The following NCMAP variants were observed in gnomAD, a reference collection of about 807,000 sequenced individuals.
The protein encoded by NCMAP is non-compact myelin associated protein.
NCMAP carries 8 observed loss-of-function variants against 7.8 expected under a neutral mutation model. The observed-to-expected ratio is 1.02, with a 90% confidence interval of 0.60 to 1.84. The LOEUF (loss-of-function observed/expected upper bound fraction) is 1.84. Among genes scored for constraint, NCMAP ranks in the 40% most tolerant of loss-of-function variants. The probability of loss-of-function intolerance (pLI) is 0.00; values close to 1 mark genes in which losing one functional copy is unlikely to be tolerated. For missense variants in NCMAP, 112 were observed against 131.4 expected (o/e 0.85, Z 0.72); for synonymous variants, 41 against 52.9 (o/e 0.78, Z 0.98).
intron 1 of NCMAP, among the ~76,000 whole-genome samples, chr1:24,568,906 C>T (rs1031192633): frequency 6.6e-6 from 1 of 151,952 alleles, no homozygotes; most frequent in Non-Finnish European, 1.5e-5. Flanking sequence ...TAGAGGCATG[C>T]GTCACCATAC....
chr1:24,568,865 C>G (rs1277722332), intron 1 of NCMAP, among the ~76,000 whole-genome samples: 1 of 152,112 alleles, frequency 6.6e-6, no homozygotes, highest in Non-Finnish European at 1.5e-5. Context: ...TCAAGAGATC[C>G]TCCCACCTCA....
In NCMAP at chr1:24,571,877, C is replaced by T. The variant is rs973164483; in HGVS notation, c.-8+15708C>T. On this transcript the variant is annotated intron_variant, in intron 1 of 3. Coordinates refer to ENST00000374392, the MANE Select transcript of NCMAP (RefSeq NM_001010980.5). ...CTGGGATTACAGGCGTAAGCCACCG[C>T]GCCTGGAAGAAAAAAATTATGAATG... is the stretch of plus-strand genomic sequence containing the variant. Among the ~76,000 whole-genome samples, 31 of 150,886 alleles carry T rather than the reference C, an allele frequency of 2.1e-4. 3 individuals are homozygous for T. The highest frequency in any genetic ancestry group is 6.7e-4 in the African/African-American group (27 of 40,210).
chr1:24,595,243 G>T (rs189825515), intron 1 of NCMAP, among the ~76,000 whole-genome samples, 181 bp from the exon 2 acceptor site: 104 of 152,234 alleles, frequency 6.8e-4, no homozygotes, highest in African/African-American at 2.3e-3. Context: ...CAAATGTCGG[G>T]TATTAGTATT....
At position 24,607,046 on chromosome 1, in the gene NCMAP, G is replaced by A. The variant is rs896941611; in HGVS notation, c.*1299G>A. The A allele has an allele frequency of 6.7e-6, 1 of 149,896 alleles. No individual in the cohort carries two copies. Among genetic ancestry groups the A allele is most frequent in the African/African-American group, 2.5e-5 (1 of 40,526 alleles). 9.3% of individuals were successfully genotyped at this position (149,896 alleles called of 1,614,324 possible). ...GCCTCAATCTGTCACCTGGGCTGGA[G>A]TGCAGTGGCACGCTCACAGCTCGCT... On this transcript the variant is annotated 3_prime_UTR_variant, in exon 4 of 4. Coordinates refer to ENST00000374392, the MANE Select transcript of NCMAP (RefSeq NM_001010980.5).
rs1206322104 is a variant in NCMAP at position 24,606,385 on chromosome 1, T to C, written c.*638T>C. On this transcript the variant is annotated 3_prime_UTR_variant, in exon 4 of 4. Transcript: ENST00000374392. ...CATTAGTAAAGAGTCAGTGATGGAA[T>C]AGGGTGACTCTGCAGAATAGTGGCC... 1.3e-5 allele frequency: 2 copies of C among 152,418 alleles called. No individual in the cohort carries two copies. The highest frequency in any genetic ancestry group is 6.5e-5 in the Admixed American group (1 of 15,290). The allele number at this position is 152,418 out of a possible 1,614,324, so 9.4% of individuals were successfully genotyped here. A position where few individuals can be genotyped will look rare whatever the true frequency, so the allele number is the denominator to read the frequency against.
rs1202013564 is a variant in NCMAP, at chr1:24,572,657, C to T, written c.-8+16488C>T. Among the ~76,000 whole-genome samples the T allele has an allele frequency of 3.3e-5, 5 of 150,570 alleles. No homozygotes were observed. The East Asian group carries it at 7.7e-4, about 23-fold the overall frequency. ...CCCCCTCCTCCTAGGAGTACACAGGCCCCCTGGAGAGCTCAGCACCCCAGC... is the reference window on the plus strand; with the variant it reads ...CCCCCTCCTCCTAGGAGTACACAGGTCCCCTGGAGAGCTCAGCACCCCAGC... On this transcript the variant is annotated intron_variant, in intron 1 of 3. Transcript: ENST00000374392.
Position 24,605,770 on chromosome 1 carries a change from A to G in NCMAP, c.*23A>G. ...TGACCTCTACCCTGGCGCTATCTCC[A>G]CCACTGTCCAAAGAGCCTCTCCAGA... On this transcript the variant is annotated 3_prime_UTR_variant, in exon 4 of 4. Coordinates refer to ENST00000374392, the MANE Select transcript of NCMAP (RefSeq NM_001010980.5). The G allele has an allele frequency of 1.2e-6, 2 of 1,611,614 alleles. No homozygotes were observed. The highest frequency in any genetic ancestry group is 1.7e-6 in the Non-Finnish European group (2 of 1,178,398).
chr1:24,594,117 C>T (rs952442260), intron 1 of NCMAP, among the ~76,000 whole-genome samples: 1 of 152,038 alleles, frequency 6.6e-6, no homozygotes, highest in African/African-American at 2.4e-5. Flanking sequence ...GTCTCAAACT[C>T]CTGACCTCAG....
At chr1:24,561,393 T>A (rs1253357460) in intron 1 of NCMAP, among the ~76,000 whole-genome samples, 1 of 152,120 alleles carries the variant, frequency 6.6e-6, no homozygotes. Flanking sequence ...TATGACTGCA[T>A]GGGTATATCA....
At chr1:24,597,846 T>C (rs1314674642) in intron 2 of NCMAP, among the ~76,000 whole-genome samples, 2 of 152,158 alleles carry the variant, frequency 1.3e-5, no homozygotes, top group Non-Finnish European at 2.9e-5. Flanking sequence ...TCATACAATA[T>C]TTGAGATGTA....
At chr1:24,602,479 A>G (rs1036388848) in intron 3 of NCMAP, among the ~76,000 whole-genome samples, 4 of 139,402 alleles carry the variant, frequency 2.9e-5, no homozygotes, top group Non-Finnish European at 4.5e-5. Context: ...CTGAGGCAGG[A>G]GAATGGCGTG....
intron 1 of NCMAP, among the ~76,000 whole-genome samples, chr1:24,558,508 C>G (rs929698374): frequency 1.3e-5 from 2 of 152,228 alleles, no homozygotes; most frequent in Non-Finnish European, 2.9e-5. Flanking sequence ...ACCCTTTCTC[C>G]TGCCATCATC....
rs76948192 is a variant in NCMAP at position 24,560,371 on chromosome 1, T to C, written c.-8+4202T>C. 7.2e-5 allele frequency among the ~76,000 whole-genome samples: 11 copies of C among 152,326 alleles called. No individual in the cohort carries two copies. In the East Asian group the frequency reaches 2.1e-3, roughly 29 times the overall value. On this transcript the variant is annotated intron_variant, in intron 1 of 3. Transcript: ENST00000374392. The stretch of plus-strand genomic sequence containing the variant: ...CTGGGAATTCAGAAAGAGCTCTTTT[T>C]GCTGCCTGTCTGGTTTCGTGCACAC...
intron 1 of NCMAP, among the ~76,000 whole-genome samples, chr1:24,566,564 C>T (rs1281144732): frequency 6.6e-6 from 1 of 152,138 alleles, no homozygotes; most frequent in Non-Finnish European, 1.5e-5. Flanking sequence ...CATGGAAGAC[C>T]TTGATTCCCA....
intron 1 of NCMAP, among the ~76,000 whole-genome samples, chr1:24,594,849 C>T (rs1393655334): frequency 6.6e-6 from 1 of 152,138 alleles, no homozygotes; most frequent in Non-Finnish European, 1.5e-5. Flanking sequence ...CGTGATTGCA[C>T]CACTGCACTC....
At chr1:24,561,139 C>G (rs978935555) in intron 1 of NCMAP, among the ~76,000 whole-genome samples, 1 of 144,542 alleles carries the variant, frequency 6.9e-6, no homozygotes, top group Non-Finnish European at 1.5e-5. Flanking sequence ...TCAAGACCAG[C>G]CTGGCCAACA....
At chr1:24,566,581 A>G (rs1335586248) in intron 1 of NCMAP, among the ~76,000 whole-genome samples, 2 of 152,166 alleles carry the variant, frequency 1.3e-5, no homozygotes, top group Admixed American at 6.5e-5. Flanking sequence ...CCCACAACAG[A>G]TCATTAGAAC....
rs934650928 is a variant in NCMAP at position 24,576,536 on chromosome 1, G to A, written c.-7-18888G>A. 6.6e-6 allele frequency among the ~76,000 whole-genome samples: 1 copy of A among 152,130 alleles called. No homozygotes were observed. Among genetic ancestry groups the A allele is most frequent in the Non-Finnish European group, 1.5e-5 (1 of 68,020 alleles). ...TGGAGGCAAACAAGCCTCGGGGAGG[G>A]TGTCCTGAACCAAGTGAGAGGCTGG... On this transcript the variant is annotated intron_variant, in intron 1 of 3. Coordinates refer to ENST00000374392, the MANE Select transcript of NCMAP (RefSeq NM_001010980.5). This position sits in a 1 kb window ranked among gnomAD's most constrained non-coding sequence, Gnocchi z 4.0.
chr1:24,603,105 T>C (rs950639429), intron 3 of NCMAP, among the ~76,000 whole-genome samples: 1 of 152,098 alleles, frequency 6.6e-6, no homozygotes, highest in Non-Finnish European at 1.5e-5. Context: ...TAACATATAT[T>C]GATCTCATAC....
Sources: allele counts gnomAD v4.1 joint callset (sites outside exome capture counted in the v4.1 genomes callset), GRCh38; gene constraint gnomAD v4.1.1; non-coding constraint Gnocchi (gnomAD v3.1); transcripts MANE v1.5; gene names NCBI Gene and HGNC (gene_info 2026-07-23, HGNC 2026-07-21).